SBNO1: variants seen among roughly 807,000 people sequenced by gnomAD.
SBNO1 encodes the protein strawberry notch homolog 1, also known as protein strawberry notch homolog 1.
SBNO1 carries 23 observed loss-of-function variants against 173.6 expected under a neutral mutation model. That is an observed-to-expected ratio of 0.13 (90% CI 0.10 to 0.19). The LOEUF (loss-of-function observed/expected upper bound fraction) is 0.19. Among genes scored for constraint, SBNO1 ranks in the 10% least tolerant of loss-of-function variants. SBNO1 has a pLI of 1.00. For missense variants in SBNO1, 1,238 were observed against 1,671.2 expected, an observed-to-expected ratio of 0.74 and a Z score of 4.52; for synonymous variants, 632 against 571.5, an observed-to-expected ratio of 1.11 and a Z score of -1.51.
At chr12:123,302,098 C>G (rs946145027) in intron 30 of SBNO1, among the ~76,000 whole-genome samples, 1 of 152,006 alleles carries the variant, frequency 6.6e-6, no homozygotes, top group African/African-American at 2.4e-5. Flanking sequence ...CCACCACACC[C>G]AGCTAATTTT....
chr12:123,335,962 T>C (rs1871792103), intron 6 of SBNO1, among the ~76,000 whole-genome samples: 1 of 152,144 alleles, frequency 6.6e-6, no homozygotes, highest in Non-Finnish European at 1.5e-5. Context: ...CAAGACTACA[T>C]GAAAGACAAA....
At position 123,311,079 on chromosome 12, in the gene SBNO1, A is replaced by C; in HGVS notation, c.3271T>G (p.Ser1091Ala). The change falls in exon 25 of 32, where the codon TCG becomes GCG. Residue 1091 changes from serine to alanine, a missense_variant. This residue lies in a region of SBNO1 where 351 missense variants were observed against 420.3 expected (regional missense o/e 0.84). Coordinates refer to ENST00000602398, the MANE Select transcript of SBNO1 (RefSeq NM_001167856.3). ...CCTTTATCGAGAGTAAGAATTCCCG[A>C]GCGATCTTCTACATTTATCAGGCCA... ...GVGLINVEDR[S>A]GILTLDKDYN... 6.2e-7 allele frequency: 1 copy of C among 1,613,494 alleles called. No homozygotes were observed. Among genetic ancestry groups the C allele is most frequent in the East Asian group, 2.2e-5 (1 of 44,876 alleles).
chr12:123,318,326 G>T (rs1311864986), intron 20 of SBNO1, among the ~76,000 whole-genome samples: 1 of 152,112 alleles, frequency 6.6e-6, no homozygotes, highest in Non-Finnish European at 1.5e-5. Flanking sequence ...TATATTCCCA[G>T]CTACTCAGGA....
In SBNO1 at chr12:123,294,884, CAAT is replaced by C. The variant is rs1021107598; in HGVS notation, c.*1021_*1023del. On this transcript the variant is annotated 3_prime_UTR_variant, in exon 32 of 32. Coordinates refer to ENST00000602398, the MANE Select transcript of SBNO1 (RefSeq NM_001167856.3). ...AGTTACTGAGTAACAACAATAACAACAATAACAAAAGAACACACAGCAGAAGCC... is the reference window on the plus strand; with the variant it reads ...AGTTACTGAGTAACAACAATAACAACAACAAAAGAACACACAGCAGAAGCC... 1.4e-5 allele frequency: 2 copies of C among 147,004 alleles called. No homozygotes were observed. The highest frequency in any genetic ancestry group is 5.4e-5 in the African/African-American group (2 of 36,854). 9.1% of individuals were successfully genotyped at this position (147,004 alleles called of 1,614,324 possible). A position where few individuals can be genotyped will look rare whatever the true frequency, so the allele number is the denominator to read the frequency against.
intron 31 of SBNO1, among the ~76,000 whole-genome samples, chr12:123,296,583 A>G (rs1470427121): frequency 6.7e-6 from 1 of 148,408 alleles, no homozygotes; most frequent in Non-Finnish European, 1.5e-5. Context: ...TTTTTCTGAG[A>G]TGGAGTATTG....
At chr12:123,338,033 G>C (rs948421758) in intron 5 of SBNO1, among the ~76,000 whole-genome samples, 2 of 152,098 alleles carry the variant, frequency 1.3e-5, no homozygotes, top group African/African-American at 4.8e-5. Context: ...ATCAAATTTA[G>C]GTCAAAGAGA....
intron 30 of SBNO1, among the ~76,000 whole-genome samples, chr12:123,299,106 C>T (rs1032968282): frequency 2.0e-5 from 3 of 151,926 alleles, no homozygotes; most frequent in African/African-American, 7.3e-5. Flanking sequence ...CGGTGGCTCA[C>T]GCCTGTAATC....
chr12:123,316,047 G>A (rs927175576), intron 21 of SBNO1, among the ~76,000 whole-genome samples: 8 of 152,038 alleles, frequency 5.3e-5, no homozygotes, highest in African/African-American at 1.9e-4. Context: ...AGTTTTATAA[G>A]GACACTCCTT....
chr12:123,306,051 T>C (rs1327423461), intron 28 of SBNO1, among the ~76,000 whole-genome samples: 1 of 152,248 alleles, frequency 6.6e-6, no homozygotes, highest in African/African-American at 2.4e-5. Context: ...AATATTTTAC[T>C]TTCCTCTTCA....
intron 30 of SBNO1, among the ~76,000 whole-genome samples, chr12:123,302,235 ATTGTTTTTTTTT>A (rs991463096): frequency 1.0e-4 from 11 of 106,268 alleles, no homozygotes; most frequent in South Asian, 6.3e-4. Flanking sequence ...ACCTGGCCTT[ATTGTTTTTTTTT>A]TTGTTTTTTT....
intron 20 of SBNO1, 55 bp from the exon 21 acceptor site, chr12:123,317,411 G>A: frequency 6.4e-7 from 1 of 1,553,966 alleles, no homozygotes; most frequent in Non-Finnish European, 8.8e-7. Flanking sequence ...AAGCAGGCCA[G>A]TGCCTTAAAT....
intron 28 of SBNO1, among the ~76,000 whole-genome samples, chr12:123,306,653 C>T (rs769016981): frequency 2.6e-5 from 4 of 151,832 alleles, no homozygotes; most frequent in Admixed American, 6.6e-5. Flanking sequence ...AGGAGGAGTT[C>T]GAGACTGTCC....
At position 123,316,558 on chromosome 12, in the gene SBNO1, C is replaced by A. The variant is rs553938566; in HGVS notation, c.2935+663G>T. ...TTTTTGAGACAAGGTCACGCTCTGT[C>A]ACCCAGGCTGGAGTGCAGTGGTGAA... On this transcript the variant is annotated intron_variant, in intron 21 of 31. Coordinates refer to ENST00000602398, the MANE Select transcript of SBNO1 (RefSeq NM_001167856.3). Among the ~76,000 whole-genome samples, 4 of 151,876 alleles carry A rather than the reference C, an allele frequency of 2.6e-5. No individual in the cohort carries two copies. The East Asian group carries it at 7.8e-4, about 30-fold the overall frequency.
chr12:123,349,380 G>A lies in SBNO1; in HGVS notation c.132+930C>T, dbSNP rs564231786. On this transcript the variant is annotated intron_variant, in intron 2 of 31. Transcript: ENST00000602398. ...GCCTCCCTAAGTGCTGGGATTACTG[G>A]CATGAGACACTATGCCCAGCCAGAA... Among the ~76,000 whole-genome samples, 63 of 152,164 alleles carry A rather than the reference G, an allele frequency of 4.1e-4. No homozygotes were observed. The Middle Eastern group carries it at 0.01, about 25-fold the overall frequency.
rs575233026 is a variant in SBNO1, at chr12:123,291,848, T to C, written c.*4060A>G. ...GAAGAACTCAACATTTCTCTATATA[T>C]ACATTTATGTACATATATATAAATA... On this transcript the variant is annotated 3_prime_UTR_variant, in exon 32 of 32. Transcript: ENST00000602398. 2.6e-5 allele frequency: 4 copies of C among 152,160 alleles called. No homozygotes were observed. The highest frequency in any genetic ancestry group is 7.2e-5 in the African/African-American group (3 of 41,522). 9.4% of individuals were successfully genotyped at this position (152,160 alleles called of 1,614,324 possible).
At chr12:123,306,819 G>T (rs2048926844) in intron 28 of SBNO1, among the ~76,000 whole-genome samples, 1 of 151,944 alleles carries the variant, frequency 6.6e-6, no homozygotes, top group African/African-American at 2.4e-5. Context: ...ATAAAAGTAT[G>T]CAAGATGTTT....
At chr12:123,345,162 G>T (rs1872980702) in intron 4 of SBNO1, 96 bp downstream of exon 4, 1 of 1,038,344 alleles carries the variant, frequency 9.6e-7, no homozygotes, top group Non-Finnish European at 1.4e-6. Context: ...ACCCTTTTAT[G>T]GCCAGTTCTT....
At chr12:123,340,557 G>A (rs1472493779) in intron 5 of SBNO1, among the ~76,000 whole-genome samples, 8 of 141,970 alleles carry the variant, frequency 5.6e-5, no homozygotes, top group Admixed American at 4.3e-4. Flanking sequence ...CTCCAGCCTG[G>A]GCGATAAGAG....
chr12:123,321,845 T>A, intron 16 of SBNO1, 113 bp from the exon 17 acceptor site: 1 of 855,204 alleles, frequency 1.2e-6, no homozygotes, highest in Non-Finnish European at 1.8e-6. Flanking sequence ...GGAAAAGTAT[T>A]TAGGTTAAGT....
Sources: gnomAD v4.1 joint callset for allele counts (sites outside exome capture counted in the v4.1 genomes callset) on GRCh38, gnomAD v4.1.1 for gene constraint, gnomAD v4.1.1 regional missense constraint, MANE v1.5 for transcripts, NCBI Gene and HGNC (gene_info 2026-07-23, HGNC 2026-07-21) for gene names.